The following TBC1D5 variants were observed in gnomAD, a reference collection of about 807,000 sequenced individuals.
TBC1D5 encodes the protein TBC1 domain family, member 5.
In TBC1D5, 75 loss-of-function variants were observed where a neutral mutation model predicts 100.3. The ratio of observed to expected loss-of-function variants is 0.75; its 90% CI spans 0.62 to 0.91. The LOEUF (loss-of-function observed/expected upper bound fraction) is 0.91, where lower values mean the gene tolerates loss of function less well. Among genes scored for constraint, TBC1D5 ranks in the 40% least tolerant of loss-of-function variants. The pLI is 0.00. For synonymous variants in TBC1D5, 323 were observed against 325.6 expected (o/e 0.99, Z 0.09); for missense variants, 910 against 942.4 (o/e 0.97, Z 0.45).
chr3:17,354,310 A>G (rs1456865229), intron 13 of TBC1D5, among the ~76,000 whole-genome samples: 3 of 152,160 alleles, frequency 2.0e-5, no homozygotes, highest in Admixed American at 2.0e-4. Context: ...TTCTTCATTT[A>G]CAAACCTCTC....
chr3:17,282,396 T>C (rs1433546373), intron 15 of TBC1D5, among the ~76,000 whole-genome samples: 1 of 152,230 alleles, frequency 6.6e-6, no homozygotes, highest in Non-Finnish European at 1.5e-5. Flanking sequence ...CCCAATAACC[T>C]AGATTTTCCT....
intron 18 of TBC1D5, 148 bp downstream of exon 19, chr3:17,214,059 T>C (rs2073317173): frequency 1.3e-6 from 1 of 761,502 alleles, no homozygotes; most frequent in Non-Finnish European, 1.9e-6. Flanking sequence ...TAAAGTAAAA[T>C]AATAAAATAC....
chr3:17,581,885 G>A (rs2096699985), intron 2 of TBC1D5, among the ~76,000 whole-genome samples: 1 of 152,152 alleles, frequency 6.6e-6, no homozygotes, highest in South Asian at 2.1e-4. Context: ...CACTGACCTT[G>A]AGGCTGTTCT....
At chr3:17,415,783 A>C (rs905797217) in intron 4 of TBC1D5, among the ~76,000 whole-genome samples, 1 of 152,048 alleles carries the variant, frequency 6.6e-6, no homozygotes, top group Non-Finnish European at 1.5e-5. Context: ...TCCATGGTTT[A>C]CTCATGCTTC....
intron 19 of TBC1D5, among the ~76,000 whole-genome samples, chr3:17,171,257 C>G (rs1221167184): frequency 6.6e-6 from 1 of 151,948 alleles, no homozygotes; most frequent in Non-Finnish European, 1.5e-5. Flanking sequence ...TTTAGACTGT[C>G]TACCTATGGG....
chr3:17,498,217 T>A (rs1444345226), intron 3 of TBC1D5, among the ~76,000 whole-genome samples: 1 of 152,000 alleles, frequency 6.6e-6, no homozygotes, highest in Non-Finnish European at 1.5e-5. Flanking sequence ...GATTCCTTCT[T>A]AGGAAATTCA....
At chr3:17,609,914 C>T (rs2061561926) in intron 2 of TBC1D5, among the ~76,000 whole-genome samples, 1 of 152,204 alleles carries the variant, frequency 6.6e-6, no homozygotes, top group South Asian at 2.1e-4. Flanking sequence ...CCAACTTATA[C>T]TCAGTATCTC....
At chr3:17,206,614 A>G (rs1028663764) in intron 18 of TBC1D5, among the ~76,000 whole-genome samples, 5 of 152,200 alleles carry the variant, frequency 3.3e-5, no homozygotes, top group African/African-American at 1.2e-4. Context: ...GAATGCACAC[A>G]GGGGTCACAG....
At chr3:17,475,029 T>C (rs948962861) in intron 3 of TBC1D5, among the ~76,000 whole-genome samples, 1 of 152,112 alleles carries the variant, frequency 6.6e-6, no homozygotes, top group African/African-American at 2.4e-5. Context: ...ATCCAAAATA[T>C]TGCCTAAGAA....
intron 13 of TBC1D5, among the ~76,000 whole-genome samples, chr3:17,340,239 A>T (rs2088656588): frequency 6.6e-6 from 1 of 152,226 alleles, no homozygotes; most frequent in African/African-American, 2.4e-5. Context: ...ATGAAGGGAT[A>T]AGCAGTTACC....
intron 13 of TBC1D5, among the ~76,000 whole-genome samples, chr3:17,359,882 AAT>A (rs1451499668): frequency 4.6e-5 from 7 of 152,030 alleles, no homozygotes; most frequent in African/African-American, 1.7e-4. Context: ...AGACCCATGA[AAT>A]AAAAAATCCA....
At chr3:17,192,189 T>C (rs2070014083) in intron 18 of TBC1D5, among the ~76,000 whole-genome samples, 1 of 151,826 alleles carries the variant, frequency 6.6e-6, no homozygotes, top group Non-Finnish European at 1.5e-5. Flanking sequence ...ATTTTTGTAA[T>C]AAGAAAATCA....
chr3:17,741,141 T>C (rs1233469090), upstream of TBC1D5, among the ~76,000 whole-genome samples: 1 of 152,218 alleles, frequency 6.6e-6, no homozygotes, highest in Non-Finnish European at 1.5e-5. Context: ...AGATAGTCCC[T>C]TGTCCAGCTG....
At chr3:17,334,970 C>T (rs112065852) in intron 13 of TBC1D5, among the ~76,000 whole-genome samples, 7 of 152,032 alleles carry the variant, frequency 4.6e-5, no homozygotes, top group Admixed American at 2.6e-4. Flanking sequence ...ATACTAAAAT[C>T]TGTATAAAAT....
At chr3:17,600,348 A>C (rs1443134067) in intron 2 of TBC1D5, among the ~76,000 whole-genome samples, 1 of 152,192 alleles carries the variant, frequency 6.6e-6, no homozygotes, top group East Asian at 1.9e-4. Flanking sequence ...TATATACATG[A>C]AGGTCACATG....
At chr3:17,411,960 A>C (rs2093938410) in intron 4 of TBC1D5, among the ~76,000 whole-genome samples, 1 of 152,182 alleles carries the variant, frequency 6.6e-6, no homozygotes, top group African/African-American at 2.4e-5. Flanking sequence ...ATAATATATT[A>C]ATTGTCTTTC....
At chr3:17,392,348 CTGTGTCA>C (rs1259769113) in intron 8 of TBC1D5, among the ~76,000 whole-genome samples, 30 of 152,092 alleles carry the variant, frequency 2.0e-4, no homozygotes, top group Admixed American at 1.2e-3. Context: ...GATCCACTTG[CTGTGTCA>C]TGTGACCCTT....
chr3:17,553,696 CTTAT>C (rs893056460), intron 2 of TBC1D5, among the ~76,000 whole-genome samples: 86 of 152,142 alleles, frequency 5.7e-4, no homozygotes, highest in African/African-American at 2.0e-3. Flanking sequence ...GAAATAGTAA[CTTAT>C]TTGTTTACTG....
chr3:17,266,095 T>C (rs569996845), intron 15 of TBC1D5, among the ~76,000 whole-genome samples: 1 of 152,312 alleles, frequency 6.6e-6, no homozygotes, highest in Admixed American at 6.5e-5. Flanking sequence ...GATATTTCTA[T>C]ATTAAAATGC....
Sources: gnomAD v4.1 joint callset for allele counts (sites outside exome capture counted in the v4.1 genomes callset) on GRCh38, gnomAD v4.1.1 for gene constraint, MANE v1.5 for transcripts, NCBI Gene and HGNC (gene_info 2026-07-23, HGNC 2026-07-21) for gene names.